SUPT3H: variants seen among roughly 807,000 people sequenced by gnomAD.
SUPT3H encodes transcription initiation protein SPT3 homolog.
In SUPT3H, 44 loss-of-function variants were observed where a neutral mutation model predicts 44.3. That is an observed-to-expected ratio of 0.99 (90% CI 0.78 to 1.28). The LOEUF (loss-of-function observed/expected upper bound fraction) is 1.28. Ranked by LOEUF, SUPT3H falls within the 50% of genes most tolerant of loss-of-function variation. The pLI is 0.00. For missense variants in SUPT3H, 380 were observed against 387.1 expected (o/e 0.98, Z 0.15); for synonymous variants, 124 against 125.6 (o/e 0.99, Z 0.09).
chr6:45,241,219 TCTTGCC>T (rs77103205), intron 2 of SUPT3H, among the ~76,000 whole-genome samples: 32,454 of 151,738 alleles, frequency 0.21, 4,349 homozygotes, highest in Non-Finnish European at 0.31. Flanking sequence ...CCCCCCCAAA[TCTTGCC>T]ATAAGCTGGC....
At chr6:45,245,745 C>A (rs1364775349) in intron 2 of SUPT3H, among the ~76,000 whole-genome samples, 1 of 152,116 alleles carries the variant, frequency 6.6e-6, no homozygotes, top group Non-Finnish European at 1.5e-5. Context: ...GCTACAAACA[C>A]TGGTGTACCA....
chr6:45,296,738 CAAAAAAAAAAAAAA>C (rs60921436), intron 2 of SUPT3H, among the ~76,000 whole-genome samples: 1 of 29,702 alleles, frequency 3.4e-5, no homozygotes, highest in African/African-American at 9.6e-5. Context: ...GACTCTGTCT[CAAAAAAAAAAAAAA>C]AAAAAAAAAA....
chr6:45,176,346 C>T (rs577553364), intron 2 of SUPT3H, among the ~76,000 whole-genome samples: 131 of 151,948 alleles, frequency 8.6e-4, no homozygotes, highest in African/African-American at 2.9e-3. Context: ...CACTCCCACC[C>T]GAATATTGCG....
chr6:45,134,923 G>T lies in SUPT3H; in HGVS notation c.102-28917C>A, dbSNP rs1042517912. Among the ~76,000 whole-genome samples the T allele has an allele frequency of 1.2e-4, 19 of 152,136 alleles. 1 individual carries two copies. Among genetic ancestry groups the T allele is most frequent in the Admixed American group, 7.2e-4 (11 of 15,274 alleles). On this transcript the variant is annotated intron_variant, in intron 2 of 10. Transcript: ENST00000371459. ...CTGTGGCAGCTCTACCCCTACAGCA[G>T]GTTTTTTCTGGGACCTCCAGGGTGT...
intron 10 of SUPT3H, among the ~76,000 whole-genome samples, chr6:44,864,778 C>T (rs532262616): frequency 1.2e-4 from 18 of 152,294 alleles, no homozygotes; most frequent in Middle Eastern, 6.8e-3. Flanking sequence ...CCTAGGCCTC[C>T]GGGCCATGAT....
chr6:44,888,734 C>T (rs1417684068), intron 10 of SUPT3H, among the ~76,000 whole-genome samples: 2 of 152,060 alleles, frequency 1.3e-5, no homozygotes, highest in African/African-American at 4.8e-5. Context: ...CTCACCACTC[C>T]TATTCAACAT....
At chr6:45,006,118 A>G (rs1198534742) in intron 5 of SUPT3H, among the ~76,000 whole-genome samples, 1 of 152,042 alleles carries the variant, frequency 6.6e-6, no homozygotes, top group Non-Finnish European at 1.5e-5. Context: ...GTTAAATTAT[A>G]GCTTGCATGA....
chr6:45,077,626 C>CAA (rs70993493), intron 3 of SUPT3H, among the ~76,000 whole-genome samples: 5 of 34,020 alleles, frequency 1.5e-4, no homozygotes, highest in African/African-American at 5.7e-4. Context: ...GACCTTGTTT[C>CAA]AAAAAAAAAA....
intron 2 of SUPT3H, among the ~76,000 whole-genome samples, chr6:45,181,869 TAATA>T (rs200711022): frequency 0.82 from 121,085 of 147,506 alleles, 50,617 homozygotes; most frequent in Non-Finnish European, 0.9. Context: ...AGTATAATAA[TAATA>T]AATAAATAAA....
intron 3 of SUPT3H, among the ~76,000 whole-genome samples, chr6:45,059,369 CT>C (rs1221738496): frequency 1.8e-4 from 27 of 152,020 alleles, no homozygotes; most frequent in African/African-American, 6.5e-4. Context: ...CAGAAAAGGC[CT>C]TTGATAAAAT....
chr6:45,053,180 A>C (rs1375799813), intron 3 of SUPT3H, among the ~76,000 whole-genome samples: 3 of 150,768 alleles, frequency 2.0e-5, no homozygotes, highest in Non-Finnish European at 4.4e-5. Context: ...GACTATAGGC[A>C]TGTGCCACTG....
intron 10 of SUPT3H, among the ~76,000 whole-genome samples, chr6:44,849,189 T>C (rs554607953): frequency 1.1e-4 from 17 of 151,676 alleles, no homozygotes; most frequent in African/African-American, 2.7e-4. Context: ...CTATAGGGCA[T>C]AGCTGTAGAT....
intron 3 of SUPT3H, among the ~76,000 whole-genome samples, chr6:45,084,335 A>T (rs542137301): frequency 3.3e-5 from 5 of 152,342 alleles, no homozygotes; most frequent in African/African-American, 1.2e-4. Flanking sequence ...GGCAAAGGAC[A>T]TGAACAGACA....
intron 10 of SUPT3H, among the ~76,000 whole-genome samples, chr6:44,870,262 T>G (rs1045598489): frequency 1.3e-5 from 2 of 152,164 alleles, no homozygotes; most frequent in African/African-American, 4.8e-5. Flanking sequence ...AGAGTTAAAA[T>G]GATGATCAAA....
chr6:45,149,589 A>C (rs1806593025), intron 2 of SUPT3H, among the ~76,000 whole-genome samples: 1 of 152,194 alleles, frequency 6.6e-6, no homozygotes, highest in Non-Finnish European at 1.5e-5. Flanking sequence ...CTTAAGTAGA[A>C]GAAAAGCTGA....
At chr6:45,211,670 G>A (rs538821543) in intron 2 of SUPT3H, among the ~76,000 whole-genome samples, 1 of 151,992 alleles carries the variant, frequency 6.6e-6, no homozygotes, top group South Asian at 2.1e-4. Context: ...CCAACATGGT[G>A]AAACTCTGTC....
intron 10 of SUPT3H, among the ~76,000 whole-genome samples, chr6:44,888,871 C>G (rs866019910): frequency 6.9e-6 from 1 of 143,922 alleles, no homozygotes; most frequent in Non-Finnish European, 1.5e-5. Flanking sequence ...AAAACCCCAT[C>G]GTCTCAGCCC....
chr6:45,289,476 A>G (rs1308053432), intron 2 of SUPT3H, among the ~76,000 whole-genome samples: 2 of 152,198 alleles, frequency 1.3e-5, no homozygotes, highest in Non-Finnish European at 2.9e-5. Context: ...ATTTCTCAGT[A>G]ATTCACTGTA....
At chr6:45,120,442 G>A (rs9367218) in intron 2 of SUPT3H, among the ~76,000 whole-genome samples, 52,286 of 92,828 alleles carry the variant, frequency 0.56, 12,146 homozygotes, top group East Asian at 0.74. Flanking sequence ...AAAAAAAAAA[G>A]ACTATATAAG....
Sources: gnomAD v4.1 joint callset for allele counts (sites outside exome capture counted in the v4.1 genomes callset) on GRCh38, gnomAD v4.1.1 for gene constraint, MANE v1.5 for transcripts, NCBI Gene and HGNC (gene_info 2026-07-23, HGNC 2026-07-21) for gene names.